The following DCLK2 variants were observed in gnomAD, a reference collection of about 807,000 sequenced individuals.
The protein encoded by DCLK2 is serine/threonine-protein kinase DCLK2.
DCLK2 carries 31 observed loss-of-function variants against 78.4 expected under a neutral mutation model. The ratio of observed to expected loss-of-function variants is 0.40; its 90% CI spans 0.30 to 0.53. DCLK2 has a LOEUF of 0.53. Among genes scored for constraint, DCLK2 ranks in the 20% least tolerant of loss-of-function variants. DCLK2 has a pLI of 0.61. For missense variants in DCLK2, 872 were observed against 973.7 expected (o/e 0.90, Z 1.39); for synonymous variants, 407 against 374.9 (o/e 1.09, Z -0.99).
At position 150,220,702 on chromosome 4, in the gene DCLK2, G is replaced by A; in HGVS notation, c.1057-1G>A. The A allele has an allele frequency of 6.2e-7, 1 of 1,612,248 alleles. No individual in the cohort carries two copies. The highest frequency in any genetic ancestry group is 8.5e-7 in the Non-Finnish European group (1 of 1,178,860). ...AAATAATGGTCATTCTCCTCTTTCA[G>A]CAGATTTCTGCTCATGGCAGATCTT... On this transcript the variant is annotated splice_acceptor_variant, in intron 5 of 15. Transcript: ENST00000296550. LOFTEE classifies it high-confidence loss of function.
intron 13 of DCLK2, 35 bp downstream of exon 13, chr4:150,247,734 C>G: frequency 6.4e-7 from 1 of 1,561,124 alleles, no homozygotes; most frequent in Non-Finnish European, 8.8e-7. Context: ...GGTTGTATTA[C>G]GTTGTGGGGT....
chr4:150,137,716 G>A (rs1560802993), intron 2 of DCLK2, among the ~76,000 whole-genome samples: 2 of 152,170 alleles, frequency 1.3e-5, no homozygotes, highest in African/African-American at 2.4e-5. Context: ...GTAGGCCATA[G>A]GGGTGGGGAC....
intron 10 of DCLK2, among the ~76,000 whole-genome samples, chr4:150,234,766 A>G (rs183182964): frequency 0.021 from 3,138 of 149,768 alleles, 41 homozygotes; most frequent in Middle Eastern, 0.031. Context: ...AAAAAAAAAA[A>G]AGGGGGATTG....
intron 2 of DCLK2, among the ~76,000 whole-genome samples, chr4:150,147,555 T>A (rs1320035118): frequency 1.3e-5 from 2 of 152,220 alleles, no homozygotes; most frequent in Non-Finnish European, 2.9e-5. Context: ...ATGTACCTGG[T>A]GCTTGCTGGT....
chr4:150,099,559 A>G (rs892581846), intron 1 of DCLK2, among the ~76,000 whole-genome samples: 1 of 152,232 alleles, frequency 6.6e-6, no homozygotes, highest in African/African-American at 2.4e-5. Flanking sequence ...GGTATATGAC[A>G]TCTATACTTT....
At chr4:150,193,492 A>C (rs1266012871) in intron 3 of DCLK2, among the ~76,000 whole-genome samples, 2 of 152,224 alleles carry the variant, frequency 1.3e-5, no homozygotes, top group Non-Finnish European at 2.9e-5. Flanking sequence ...CACTTTTAGC[A>C]ATTCAGTTCC....
chr4:150,225,663 A>G (rs1299673945), intron 8 of DCLK2, among the ~76,000 whole-genome samples: 2 of 152,256 alleles, frequency 1.3e-5, no homozygotes, highest in Non-Finnish European at 2.9e-5. Context: ...TACCTCATTA[A>G]TATCTTTGTA....
At chr4:150,199,758 T>C (rs1739325346) in intron 4 of DCLK2, among the ~76,000 whole-genome samples, 1 of 152,220 alleles carries the variant, frequency 6.6e-6, no homozygotes, top group Admixed American at 6.5e-5. Flanking sequence ...AATATAGATA[T>C]GAGACTTGCA....
At chr4:150,205,070 T>C (rs979989229) in intron 5 of DCLK2, among the ~76,000 whole-genome samples, 1 of 152,162 alleles carries the variant, frequency 6.6e-6, no homozygotes, top group Non-Finnish European at 1.5e-5. Flanking sequence ...CCAAAGTTGG[T>C]TCCCTAAACA....
chr4:150,253,955 C>T (rs1744371161), intron 15 of DCLK2: 2 of 959,362 alleles, frequency 2.1e-6, no homozygotes, highest in South Asian at 4.8e-5. Context: ...TCTCAGCCAG[C>T]CTTTGGGATA....
rs185131282 is a variant in DCLK2, at chr4:150,203,103, G to A, written c.962-692G>A. Among the ~76,000 whole-genome samples, 758 of 152,280 alleles carry A rather than the reference G, an allele frequency of 5.0e-3. 1 individual carries two copies. Among genetic ancestry groups the A allele is most frequent in the Non-Finnish European group, 6.8e-3 (464 of 68,024 alleles). Reference sequence around the variant, plus strand: ...AAATCGAGCTTTCAACCAAAGAAGCGTATGGAGGTTTAGAGCAGATGTGTA... The same window carrying A: ...AAATCGAGCTTTCAACCAAAGAAGCATATGGAGGTTTAGAGCAGATGTGTA... On this transcript the variant is annotated intron_variant, in intron 4 of 15. Coordinates refer to ENST00000296550, the MANE Select transcript of DCLK2 (RefSeq NM_001040260.4).
At position 150,220,758 on chromosome 4, in the gene DCLK2, A is replaced by G. The variant is rs1234473705; in HGVS notation, c.1112A>G (p.Asp371Gly). The G allele has an allele frequency of 2.5e-6, 4 of 1,613,644 alleles. No homozygotes were observed. Among genetic ancestry groups the G allele is most frequent in the African/African-American group, 1.3e-5 (1 of 74,902 alleles). Residue 371 changes from aspartate (D) to glycine (G), a missense_variant, in exon 6 of 16, where the codon GAC becomes GGC. By Grantham distance (94) the Asp-to-Gly change is moderately conservative. Coordinates refer to ENST00000296550, the MANE Select transcript of DCLK2 (RefSeq NM_001040260.4). ...SSNVNGGPEL[D>G]RCISPEGVNG... ...AATGTAAACGGTGGACCTGAGCTTGACCGTTGCATAAGTCCTGAAGGTAGT... is the reference window on the plus strand; with the variant it reads ...AATGTAAACGGTGGACCTGAGCTTGGCCGTTGCATAAGTCCTGAAGGTAGT...
At chr4:150,129,180 C>T (rs955219512) in intron 2 of DCLK2, among the ~76,000 whole-genome samples, 1 of 152,048 alleles carries the variant, frequency 6.6e-6, no homozygotes, top group Non-Finnish European at 1.5e-5. Flanking sequence ...TGACTTAAAA[C>T]AGACACTGTG....
chr4:150,087,076 T>G (rs1266756231), intron 1 of DCLK2, among the ~76,000 whole-genome samples: 1 of 152,222 alleles, frequency 6.6e-6, no homozygotes, highest in African/African-American at 2.4e-5. Flanking sequence ...CATGTTATAA[T>G]TCAATCCTAA....
intron 5 of DCLK2, among the ~76,000 whole-genome samples, chr4:150,205,388 A>G (rs1359394010): frequency 6.6e-6 from 1 of 152,222 alleles, no homozygotes; most frequent in Non-Finnish European, 1.5e-5. Flanking sequence ...AGGACAGAGC[A>G]TCTGTTTTTG....
rs143255740 is a variant in DCLK2 at position 150,220,718 on chromosome 4, G to A, written c.1072G>A (p.Gly358Ser). The A allele has an allele frequency of 1.0e-4, 168 of 1,613,592 alleles. No homozygotes were observed. The African/African-American group carries it at 2.1e-3, about 20-fold the overall frequency. The change falls in exon 6 of 16, where the codon GGC (glycine) becomes AGC (serine). Residue 358 changes from glycine (G) to serine (S), a missense_variant. This residue lies in a region of DCLK2 where 567 missense variants were observed against 593.4 expected (regional missense o/e 0.96). Transcript: ENST00000296550. ...FRGLKQISAH[G>S]RSSSNVNGGP... ...CCTCTTTCAGCAGATTTCTGCTCAT[G>A]GCAGATCTTCTTCCAATGTAAACGG...
chr4:150,156,900 A>G (rs1735323674), intron 2 of DCLK2, among the ~76,000 whole-genome samples: 1 of 151,356 alleles, frequency 6.6e-6, no homozygotes, highest in African/African-American at 2.4e-5. Flanking sequence ...TCTTCCAAGT[A>G]GCTGAGGCCA....
chr4:150,156,741 T>TTTTA (rs150434713), intron 2 of DCLK2, among the ~76,000 whole-genome samples: 10,941 of 139,310 alleles, frequency 0.079, 488 homozygotes, highest in East Asian at 0.11. Flanking sequence ...GGAGTAACTA[T>TTTTA]TTTATTTATT....
intron 4 of DCLK2, among the ~76,000 whole-genome samples, chr4:150,203,352 A>G (rs1739589101): frequency 1.3e-5 from 2 of 152,238 alleles, no homozygotes; most frequent in Admixed American, 1.3e-4. Flanking sequence ...TTGATTTGGG[A>G]GAGCCACACA....
Sources: allele counts gnomAD v4.1 joint callset (sites outside exome capture counted in the v4.1 genomes callset), GRCh38; gene constraint gnomAD v4.1.1; regional missense constraint gnomAD v4.1.1; transcripts MANE v1.5; gene names NCBI Gene and HGNC (gene_info 2026-07-23, HGNC 2026-07-21).